The following GALNT6 variants were observed in gnomAD, a reference collection of about 807,000 sequenced individuals.
The protein encoded by GALNT6 is polypeptide N-acetylgalactosaminyltransferase 6.
Under a neutral mutation model 65.9 loss-of-function variants are expected in GALNT6, and 51 were observed. That is an observed-to-expected ratio of 0.77 (90% CI 0.62 to 0.98). The LOEUF is 0.98. Ranked by LOEUF, GALNT6 falls within the 50% of genes least tolerant of loss-of-function variation. GALNT6 has a pLI of 0.00. For missense variants in GALNT6, 708 were observed against 803.3 expected, an observed-to-expected ratio of 0.88 and a Z score of 1.43; for synonymous variants, 323 against 315.1, an observed-to-expected ratio of 1.02 and a Z score of -0.26.
rs150719035 is a variant in GALNT6, at chr12:51,364,267, G to A, written c.903C>T (p.Ile301=). The change falls in exon 6 of 12, where the codon ATC becomes ATT. Residue 301 remains isoleucine, a synonymous_variant. Transcript: ENST00000356317. ...TVVVSPDIVT[I]DLNTFEFAKP... is the part of the protein sequence containing the mutation. ...TGGCGAACTCAAAAGTATTAAGGTCGATGGTGACGATGTCTGGGCTCACCA... is the reference window on the plus strand; with the variant it reads ...TGGCGAACTCAAAAGTATTAAGGTCAATGGTGACGATGTCTGGGCTCACCA... 9 of 1,613,980 alleles carry A rather than the reference G, an allele frequency of 5.6e-6. No individual in the cohort carries two copies. The highest frequency in any genetic ancestry group is 1.1e-5 in the South Asian group (1 of 91,074).
chr12:51,379,391 G>C lies in GALNT6; in HGVS notation c.391C>G (p.Gln131Glu). The C allele has an allele frequency of 6.3e-7, 1 of 1,591,786 alleles. No individual in the cohort carries two copies. The highest frequency in any genetic ancestry group is 1.4e-5 in the African/African-American group (1 of 73,584). The change falls in exon 3 of 12, where the codon CAG becomes GAG. Residue 131 changes from glutamine to glutamate, a missense_variant. By Grantham distance (29) the Gln-to-Glu change is conservative. Coordinates refer to ENST00000356317, the MANE Select transcript of GALNT6 (RefSeq NM_007210.4). Reference protein sequence around the residue: ...QKSKWTPLETQEKEEGYKKHC... With the variant: ...QKSKWTPLETEEKEEGYKKHC... ...TTCTTATAGCCTTCTTCCTTTTCCTGGGTCTCCAGGGGGGTCCACTTGCTC... is the reference window on the plus strand; with the variant it reads ...TTCTTATAGCCTTCTTCCTTTTCCTCGGTCTCCAGGGGGGTCCACTTGCTC...
intron 3 of GALNT6, among the ~76,000 whole-genome samples, 168 bp from the exon 4 acceptor site, chr12:51,377,535 T>C (rs548032585): frequency 1.6e-4 from 25 of 152,184 alleles, no homozygotes; most frequent in African/African-American, 5.3e-4. Flanking sequence ...TCTTCCCCGG[T>C]ATCTGCCACC....
intron 10 of GALNT6, 145 bp downstream of exon 10, chr12:51,357,204 T>TCTTCTC (rs1946774200): frequency 5.3e-6 from 3 of 570,450 alleles, no homozygotes; most frequent in Non-Finnish European, 9.7e-6. Context: ...ACCTTGTGTG[T>TCTTCTC]GTTATGCCTT....
At chr12:51,375,571 T>G (rs1018192819) in intron 4 of GALNT6, among the ~76,000 whole-genome samples, 2 of 152,008 alleles carry the variant, frequency 1.3e-5, no homozygotes, top group African/African-American at 4.8e-5. Context: ...TTTTTTTTTT[T>G]TTTTGAGATG....
chr12:51,388,142 C>A (rs1947898875), intron 2 of GALNT6, among the ~76,000 whole-genome samples: 2 of 152,198 alleles, frequency 1.3e-5, no homozygotes, highest in Non-Finnish European at 2.9e-5. Context: ...CACCCCACAC[C>A]CGCTCCCAAG....
At chr12:51,363,258 T>G (rs1453056514) in intron 6 of GALNT6, among the ~76,000 whole-genome samples, 2 of 152,030 alleles carry the variant, frequency 1.3e-5, no homozygotes, top group African/African-American at 4.8e-5. Flanking sequence ...TAAAATAAAC[T>G]TACAGTCTCC....
intron 2 of GALNT6, among the ~76,000 whole-genome samples, chr12:51,388,029 C>A (rs1015175642): frequency 1.9e-4 from 29 of 152,274 alleles, no homozygotes; most frequent in African/African-American, 7.0e-4. Flanking sequence ...GCCAGCCTGC[C>A]CAATTTCCCC....
chr12:51,388,764 A>G (rs1372542766), intron 2 of GALNT6, among the ~76,000 whole-genome samples: 2 of 152,058 alleles, frequency 1.3e-5, no homozygotes, highest in Non-Finnish European at 2.9e-5. Context: ...TTCCTGACCA[A>G]TCTACCTGGC....
chr12:51,385,443 G>T (rs1400576286), intron 2 of GALNT6, among the ~76,000 whole-genome samples: 1 of 152,220 alleles, frequency 6.6e-6, no homozygotes, highest in South Asian at 2.1e-4. Flanking sequence ...TAGTTTTTAT[G>T]GTTTGCAGAA....
At chr12:51,384,884 C>CA (rs1008675319) in intron 2 of GALNT6, among the ~76,000 whole-genome samples, 2 of 151,456 alleles carry the variant, frequency 1.3e-5, no homozygotes, top group Non-Finnish European at 2.9e-5. Context: ...GACCCTGTCT[C>CA]AAAAAATAAA....
At chr12:51,388,113 C>T (rs764120304) in intron 2 of GALNT6, among the ~76,000 whole-genome samples, 6 of 152,178 alleles carry the variant, frequency 3.9e-5, no homozygotes, top group Non-Finnish European at 5.9e-5. Flanking sequence ...CGTTTTTAAT[C>T]CTGTCTCAAT....
At chr12:51,369,997 G>T (rs915520184) in intron 4 of GALNT6, among the ~76,000 whole-genome samples, 1 of 152,098 alleles carries the variant, frequency 6.6e-6, no homozygotes, top group African/African-American at 2.4e-5. Flanking sequence ...CAAATCCATG[G>T]TGTTTCCTTA....
intron 2 of GALNT6, among the ~76,000 whole-genome samples, chr12:51,385,705 T>C (rs1205234762): frequency 1.3e-5 from 2 of 152,204 alleles, no homozygotes; most frequent in Admixed American, 6.5e-5. Context: ...CGATTTTTAT[T>C]TGTACTCCAG....
chr12:51,386,571 G>A (rs1565737870), intron 2 of GALNT6, among the ~76,000 whole-genome samples: 1 of 152,178 alleles, frequency 6.6e-6, no homozygotes, highest in Admixed American at 6.5e-5. Context: ...CTCCTTAGAC[G>A]TGGCAGCAGG....
intron 9 of GALNT6, among the ~76,000 whole-genome samples, chr12:51,357,655 A>G (rs534420647): frequency 6.6e-6 from 1 of 152,336 alleles, no homozygotes; most frequent in Non-Finnish European, 1.5e-5. Context: ...CAGAGGCTGG[A>G]AAGGGCAGGA....
In GALNT6 at chr12:51,359,165, C is replaced by G; in HGVS notation, c.1335G>C (p.Arg445Ser). The G allele has an allele frequency of 2.5e-6, 4 of 1,614,130 alleles. No individual in the cohort carries two copies. Among genetic ancestry groups the G allele is most frequent in the Non-Finnish European group, 2.5e-6 (3 of 1,179,970 alleles). ...WMDSYKKIFY[R>S]RNLQAAKMAQ... Reference sequence around the variant, plus strand: ...CCATCTTTGCTGCCTGCAGATTTCTCCTATAGAAAATCTTCTTGTAGCTGT... The same window carrying G: ...CCATCTTTGCTGCCTGCAGATTTCTGCTATAGAAAATCTTCTTGTAGCTGT... The change falls in exon 8 of 12, where the codon AGG (arginine) becomes AGC (serine). Residue 445 changes from arginine (R) to serine (S), a missense_variant. Arg to Ser is a moderately radical substitution (Grantham distance 110, BLOSUM62 -1). Coordinates refer to ENST00000356317, the MANE Select transcript of GALNT6 (RefSeq NM_007210.4).
At chr12:51,355,200 G>A (rs1170211353) in intron 11 of GALNT6, among the ~76,000 whole-genome samples, 1 of 152,164 alleles carries the variant, frequency 6.6e-6, no homozygotes. Context: ...AGGACACAGA[G>A]GACAAGCAGG....
chr12:51,355,165 C>G (rs972644106), intron 11 of GALNT6, among the ~76,000 whole-genome samples: 1 of 152,168 alleles, frequency 6.6e-6, no homozygotes, highest in African/African-American at 2.4e-5. Context: ...TGGACCCAGG[C>G]ATGTGAGTGC....
chr12:51,376,522 A>G (rs1947457405), intron 4 of GALNT6, among the ~76,000 whole-genome samples: 1 of 151,582 alleles, frequency 6.6e-6, no homozygotes, highest in Non-Finnish European at 1.5e-5. Context: ...AATCCCAGCT[A>G]CTAGGGAGGC....
Sources: allele counts gnomAD v4.1 joint callset (sites outside exome capture counted in the v4.1 genomes callset), GRCh38; gene constraint gnomAD v4.1.1; transcripts MANE v1.5; gene names NCBI Gene and HGNC (gene_info 2026-07-23, HGNC 2026-07-21).